PTK2B: variants seen among roughly 807,000 people sequenced by gnomAD.
PTK2B encodes protein tyrosine kinase 2 beta.
A neutral mutation model predicts 142.9 loss-of-function variants in PTK2B; 71 were observed. That is an observed-to-expected ratio of 0.50 (90% confidence interval 0.41 to 0.61). PTK2B has a LOEUF of 0.61. Ranked by LOEUF, PTK2B falls within the 20% of genes least tolerant of loss-of-function variation. PTK2B has a pLI of 0.00. For synonymous variants in PTK2B, 519 were observed against 503.4 expected (o/e 1.03, Z -0.42); for missense variants, 1,105 against 1,320.4 (o/e 0.84, Z 2.53).
intron 24 of PTK2B, among the ~76,000 whole-genome samples, chr8:27,448,441 C>A (rs767446454): frequency 3.3e-5 from 5 of 152,186 alleles, no homozygotes; most frequent in Non-Finnish European, 4.4e-5. Flanking sequence ...CAAAGAGATT[C>A]CATTTTTTTG....
intron 3 of PTK2B, among the ~76,000 whole-genome samples, chr8:27,318,911 A>G (rs1372566378): frequency 6.6e-6 from 1 of 152,152 alleles, no homozygotes; most frequent in African/African-American, 2.4e-5. Flanking sequence ...TCAGCCTCCC[A>G]AAGTGCTGGG....
intron 21 of PTK2B, among the ~76,000 whole-genome samples, chr8:27,442,452 GGATGTTTCATGAGAAATAGGA>G (rs140098216): frequency 0.014 from 2,159 of 152,274 alleles, 46 homozygotes; most frequent in African/African-American, 0.048. Flanking sequence ...ATGCGTTGGG[GGATGTTTCATGAGAAATAGGA>G]GATGTAGATT....
intron 3 of PTK2B, among the ~76,000 whole-genome samples, chr8:27,320,112 C>T (rs989372441): frequency 1.3e-5 from 2 of 152,124 alleles, no homozygotes; most frequent in African/African-American, 4.8e-5. Context: ...CTGGCCCCTC[C>T]TTTTCCTGGG....
chr8:27,438,834 G>A (rs1810966917), intron 18 of PTK2B, among the ~76,000 whole-genome samples, 197 bp from the exon 19 acceptor site: 1 of 152,192 alleles, frequency 6.6e-6, no homozygotes, highest in African/African-American at 2.4e-5. Flanking sequence ...GGGCCAGCTG[G>A]GCTCCCACCT....
At chr8:27,436,860 A>T (rs1810811336) in intron 15 of PTK2B, among the ~76,000 whole-genome samples, 1 of 152,210 alleles carries the variant, frequency 6.6e-6, no homozygotes, top group Non-Finnish European at 1.5e-5. Flanking sequence ...ACGGCCCCTC[A>T]GTCTCAGTGT....
At chr8:27,341,753 A>C (rs377179147) in intron 1 of PTK2B, among the ~76,000 whole-genome samples, 17 of 152,170 alleles carry the variant, frequency 1.1e-4, no homozygotes, top group African/African-American at 4.1e-4. Flanking sequence ...ACCTCAATGC[A>C]GCTTCTACCT....
Position 27,392,310 on chromosome 8 carries a change from C to CTT in PTK2B, c.-37-5223_-37-5222dup, listed in dbSNP as rs56770013. 1.7e-3 allele frequency among the ~76,000 whole-genome samples: 225 copies of CTT among 136,026 alleles called. 1 individual carries two copies. Among genetic ancestry groups the CTT allele is most frequent in the African/African-American group, 3.8e-3 (141 of 36,812 alleles). 89.2% of individuals were successfully genotyped at this position (136,026 alleles called of 152,430 possible). ...AAATTGGCAAGTTCTACAAAGCGAGCTTTTTTTTTTTTTTTTCTGGAGCAC... is the reference window on the plus strand; with the variant it reads ...AAATTGGCAAGTTCTACAAAGCGAGCTTTTTTTTTTTTTTTTTTCTGGAGCAC... On this transcript the variant is annotated intron_variant, in intron 1 of 30. Coordinates refer to ENST00000346049, the MANE Select transcript of PTK2B (RefSeq NM_173176.3).
At chr8:27,427,336 T>C (rs1810147789) in intron 5 of PTK2B, among the ~76,000 whole-genome samples, 1 of 152,072 alleles carries the variant, frequency 6.6e-6, no homozygotes, top group African/African-American at 2.4e-5. Context: ...TCCAGCCCCC[T>C]TTGCAAAACC....
Position 27,432,318 on chromosome 8 carries a change from A to G in PTK2B, c.944A>G (p.Glu315Gly). The change falls in exon 10 of 31, where the codon GAG (glutamate) becomes GGG (glycine). Residue 315 changes from glutamate (E) to glycine (G), a missense_variant. Transcript: ENST00000346049. ...TCCATCAGGTGCCTCCCGCTGGAGG[A>G]GGGCCAGGCAGTACTTCAGCTGGGC... is the stretch of plus-strand genomic sequence containing the variant. ...IRSIRCLPLE[E>G]GQAVLQLGIE... 1.2e-6 allele frequency: 2 copies of G among 1,613,978 alleles called. No individual in the cohort carries two copies. The highest frequency in any genetic ancestry group is 1.7e-6 in the Non-Finnish European group (2 of 1,180,020).
chr8:27,426,630 C>G (rs1220875247), intron 5 of PTK2B, among the ~76,000 whole-genome samples: 1 of 152,174 alleles, frequency 6.6e-6, no homozygotes, highest in Non-Finnish European at 1.5e-5. Context: ...GTTAGAAACA[C>G]CCAGATTGTG....
At chr8:27,356,578 G>A (rs2130664743) in intron 1 of PTK2B, among the ~76,000 whole-genome samples, 1 of 152,318 alleles carries the variant, frequency 6.6e-6, no homozygotes, top group Admixed American at 6.5e-5. Context: ...GATCCTCACT[G>A]CTCACCAGGA....
chr8:27,310,660 C>G (rs1322704281), upstream of PTK2B: 6 of 955,864 alleles, frequency 6.3e-6, no homozygotes, highest in Admixed American at 8.8e-5. Flanking sequence ...GAACCTGGGT[C>G]GGAGAGGTGG....
At chr8:27,367,351 A>G (rs1247736139) in intron 1 of PTK2B, among the ~76,000 whole-genome samples, 1 of 152,196 alleles carries the variant, frequency 6.6e-6, no homozygotes, top group Non-Finnish European at 1.5e-5. Context: ...CAAAAAGTCC[A>G]GAAAGTCCAT....
In PTK2B at chr8:27,431,419, G is replaced by T. The variant is rs199835327; in HGVS notation, c.832G>T (p.Asp278Tyr). ...ELIQGWNITV[D>Y]LVIGPKGIRQ... ...CCAGCAAGGATGGAACATTACTGTGGACCTGGTCATTGGCCCTAAAGGGAT... is the reference window on the plus strand; with the variant it reads ...CCAGCAAGGATGGAACATTACTGTGTACCTGGTCATTGGCCCTAAAGGGAT... Residue 278 changes from aspartate (D) to tyrosine (Y), a missense_variant, in exon 9 of 31, where the codon GAC (aspartate) becomes TAC (tyrosine). Asp to Tyr is a radical substitution (Grantham distance 160, BLOSUM62 -3). Transcript: ENST00000346049. 3.4e-5 allele frequency: 55 copies of T among 1,614,102 alleles called. No homozygotes were observed. The highest frequency in any genetic ancestry group is 4.4e-5 in the Non-Finnish European group (52 of 1,180,054).
chr8:27,458,596 A>T lies in PTK2B; in HGVS notation c.*87A>T, dbSNP rs768186906. ...TTGCTGTTGGTCATGTGGGTCTTCC[A>T]GGGGGAAGGCCAAGGGGAGTCACCT... is the stretch of plus-strand genomic sequence containing the variant. On this transcript the variant is annotated 3_prime_UTR_variant, in exon 31 of 31. Coordinates refer to ENST00000346049, the MANE Select transcript of PTK2B (RefSeq NM_173176.3). 14 of 1,404,498 alleles carry T rather than the reference A, an allele frequency of 1.0e-5. No homozygotes were observed. In the Admixed American group the frequency reaches 2.0e-4, roughly 20 times the overall value. 87.0% of individuals were successfully genotyped at this position (1,404,498 alleles called of 1,614,324 possible). A position where few individuals can be genotyped will look rare whatever the true frequency, so the allele number is the denominator to read the frequency against.
intron 1 of PTK2B, among the ~76,000 whole-genome samples, chr8:27,349,535 C>T (rs1002850905): frequency 7.2e-5 from 11 of 152,264 alleles, no homozygotes; most frequent in African/African-American, 2.2e-4. Context: ...GGCAGGAATG[C>T]GGGGCAGGGG....
chr8:27,393,444 A>G (rs1807844156), intron 1 of PTK2B, among the ~76,000 whole-genome samples: 1 of 152,060 alleles, frequency 6.6e-6, no homozygotes, highest in Non-Finnish European at 1.5e-5. Context: ...TGGCTCTTGA[A>G]TCAGGGGCCA....
At chr8:27,322,205 G>A (rs1803234234), upstream of PTK2B, among the ~76,000 whole-genome samples, 1 of 151,980 alleles carries the variant, frequency 6.6e-6, no homozygotes, top group South Asian at 2.1e-4. Flanking sequence ...TAACCATACT[G>A]TTCTTTTAAA....
intron 13 of PTK2B, among the ~76,000 whole-genome samples, 199 bp from the exon 14 acceptor site, chr8:27,435,544 A>C (rs1810716747): frequency 6.6e-6 from 1 of 152,264 alleles, no homozygotes; most frequent in East Asian, 1.9e-4. Flanking sequence ...ATCGGGAAGC[A>C]GAGAGCAGGG....
Sources: allele counts gnomAD v4.1 joint callset (sites outside exome capture counted in the v4.1 genomes callset), GRCh38; gene constraint gnomAD v4.1.1; transcripts MANE v1.5; gene names NCBI Gene and HGNC (gene_info 2026-07-23, HGNC 2026-07-21).